The following SCFD1 variants were observed in gnomAD, a reference collection of about 807,000 sequenced individuals.
SCFD1 encodes the protein sec1 family domain containing 1.
SCFD1 carries 37 observed loss-of-function variants against 103.2 expected under a neutral mutation model. The observed-to-expected ratio is 0.36, with a 90% CI of 0.28 to 0.47. SCFD1 has a LOEUF of 0.47. Among genes scored for constraint, SCFD1 ranks in the 20% least tolerant of loss-of-function variants. SCFD1 has a pLI of 1.00. For synonymous variants in SCFD1, 264 were observed against 245.0 expected, an observed-to-expected ratio of 1.08 and a Z score of -0.73; for missense variants, 639 against 761.2, an observed-to-expected ratio of 0.84 and a Z score of 1.89.
chr14:30,735,594 A>C lies in SCFD1; in HGVS notation c.1914A>C (p.Gln638His). The change falls in exon 25 of 25, where the codon CAA becomes CAC. Residue 638 changes from glutamine (Q) to histidine (H), a missense_variant. Gln to His is a conservative substitution (Grantham distance 24). Coordinates refer to ENST00000458591, the MANE Select transcript of SCFD1 (RefSeq NM_016106.4). ...TTTGTGTTTTGTTTTAGTTGTCACA[A>C]CTTGGACAAAAGTAACACAGAAGAA... Reference protein sequence around the residue: ...NATQFIKQLSQLGQK With the variant: ...NATQFIKQLSHLGQK The C allele has an allele frequency of 6.3e-7, 1 of 1,590,788 alleles. No individual in the cohort carries two copies. The highest frequency in any genetic ancestry group is 8.6e-7 in the Non-Finnish European group (1 of 1,163,854).
intron 21 of SCFD1, among the ~76,000 whole-genome samples, chr14:30,719,889 T>C (rs1892535741): frequency 6.7e-6 from 1 of 149,910 alleles, no homozygotes; most frequent in African/African-American, 2.5e-5. Flanking sequence ...GATATTATTT[T>C]TCATGATTTA....
intron 15 of SCFD1, among the ~76,000 whole-genome samples, chr14:30,698,373 G>T (rs1466908936): frequency 6.6e-6 from 1 of 152,150 alleles, no homozygotes; most frequent in Non-Finnish European, 1.5e-5. Context: ...CATCAGATTG[G>T]TCTTTAAAAC....
At chr14:30,727,854 A>G (rs1893162280) in intron 23 of SCFD1, among the ~76,000 whole-genome samples, 1 of 152,180 alleles carries the variant, frequency 6.6e-6, no homozygotes, top group Non-Finnish European at 1.5e-5. Context: ...TGAGGTGGAT[A>G]ACTACAAGTT....
At chr14:30,632,418 C>A (rs755583782) in intron 3 of SCFD1, among the ~76,000 whole-genome samples, 2 of 152,060 alleles carry the variant, frequency 1.3e-5, no homozygotes, top group Non-Finnish European at 2.9e-5. Flanking sequence ...TAACTGGCAG[C>A]ATTTTTATTT....
intron 14 of SCFD1, among the ~76,000 whole-genome samples, chr14:30,677,367 CTTT>C (rs1182242313): frequency 1.3e-5 from 2 of 151,986 alleles, no homozygotes; most frequent in African/African-American, 4.8e-5. Context: ...GCTAATGATC[CTTT>C]TTCATCATAA....
At chr14:30,726,273 CTCTT>C (rs1893039800) in intron 23 of SCFD1, among the ~76,000 whole-genome samples, 1 of 152,172 alleles carries the variant, frequency 6.6e-6, no homozygotes, top group Non-Finnish European at 1.5e-5. Context: ...ACAGTTTTAC[CTCTT>C]TCTACCACAG....
intron 9 of SCFD1, chr14:30,652,308 C>A (rs1452482416): frequency 6.6e-6 from 1 of 152,068 alleles, no homozygotes; most frequent in Non-Finnish European, 1.5e-5. Flanking sequence ...GACTGTGCCT[C>A]AATTTGCTTT....
chr14:30,733,413 T>C (rs970273989), intron 23 of SCFD1, among the ~76,000 whole-genome samples: 1 of 152,222 alleles, frequency 6.6e-6, no homozygotes, highest in African/African-American at 2.4e-5. Flanking sequence ...ACAGTGTTTC[T>C]TTAAAATTAC....
intron 8 of SCFD1, among the ~76,000 whole-genome samples, chr14:30,650,277 C>T (rs537080017): frequency 1.3e-5 from 2 of 150,120 alleles, no homozygotes; most frequent in South Asian, 4.2e-4. Context: ...AAAGAGTGTG[C>T]GTCATTACTG....
chr14:30,670,187 A>G, intron 10 of SCFD1, 69 bp from the exon 11 acceptor site: 1 of 1,266,606 alleles, frequency 7.9e-7, no homozygotes, highest in Non-Finnish European at 1.1e-6. Context: ...AACATTAGAA[A>G]GGGCAACAAG....
intron 2 of SCFD1, among the ~76,000 whole-genome samples, chr14:30,630,049 G>A (rs979486508): frequency 6.6e-6 from 1 of 152,100 alleles, no homozygotes; most frequent in Non-Finnish European, 1.5e-5. Context: ...GGGTATGAAC[G>A]TGAATTGGCT....
chr14:30,678,096 G>A (rs537853454), intron 14 of SCFD1, among the ~76,000 whole-genome samples: 19 of 151,970 alleles, frequency 1.3e-4, no homozygotes, highest in African/African-American at 3.9e-4. Context: ...CCTCGGCCCC[G>A]CGAAGTGCTG....
chr14:30,711,279 C>T (rs1047653410), intron 19 of SCFD1, among the ~76,000 whole-genome samples: 1 of 152,104 alleles, frequency 6.6e-6, no homozygotes, highest in Non-Finnish European at 1.5e-5. Flanking sequence ...ATGTCTGGCC[C>T]TTAAGATTAT....
Position 30,642,170 on chromosome 14 carries a change from C to T in SCFD1, c.524-1146C>T, listed in dbSNP as rs145970410. Among the ~76,000 whole-genome samples, 25 of 152,244 alleles carry T rather than the reference C, an allele frequency of 1.6e-4. No individual in the cohort carries two copies. The East Asian group carries it at 4.5e-3, about 27-fold the overall frequency. ...TGGTATGATCTCAGCTCACTGCAAC[C>T]TCTGTCTCCCAGTTTCAAGCAATCC... is the stretch of plus-strand genomic sequence containing the variant. On this transcript the variant is annotated intron_variant, in intron 6 of 24. Coordinates refer to ENST00000458591, the MANE Select transcript of SCFD1 (RefSeq NM_016106.4).
At chr14:30,701,521 C>T (rs1173242317) in intron 16 of SCFD1, among the ~76,000 whole-genome samples, 1 of 151,940 alleles carries the variant, frequency 6.6e-6, no homozygotes, top group Admixed American at 6.6e-5. Context: ...CTCCACTGCA[C>T]TCCAGCCTGG....
chr14:30,638,039 A>G (rs1375629600), intron 4 of SCFD1, 86 bp from the exon 5 acceptor site: 1 of 1,364,122 alleles, frequency 7.3e-7, no homozygotes, highest in South Asian at 1.8e-5. Flanking sequence ...TGTCTTTTAA[A>G]TATAACTTTG....
chr14:30,705,939 C>T (rs1376581589), intron 18 of SCFD1, 54 bp downstream of exon 18: 2 of 1,382,174 alleles, frequency 1.4e-6, no homozygotes, highest in East Asian at 2.3e-5. Flanking sequence ...CTTACTTAGA[C>T]TTTCATGCCT....
At chr14:30,710,412 A>G (rs1368021114) in intron 19 of SCFD1, among the ~76,000 whole-genome samples, 1 of 150,510 alleles carries the variant, frequency 6.6e-6, no homozygotes, top group Non-Finnish European at 1.5e-5. Context: ...ATTTTATATT[A>G]TCATCAAGTA....
At chr14:30,635,144 T>C (rs1884592500) in intron 4 of SCFD1, 1 of 358,636 alleles carries the variant, frequency 2.8e-6, no homozygotes, top group African/African-American at 2.1e-5. Context: ...CTGTGTAGCT[T>C]TATGATGCCC....
Sources: gnomAD v4.1 joint callset for allele counts (sites outside exome capture counted in the v4.1 genomes callset) on GRCh38, gnomAD v4.1.1 for gene constraint, MANE v1.5 for transcripts, NCBI Gene and HGNC (gene_info 2026-07-23, HGNC 2026-07-21) for gene names.